The following CD247 variants were observed in gnomAD, a reference collection of about 807,000 sequenced individuals.
The protein encoded by CD247 is CD247 molecule.
A neutral mutation model predicts 30.0 loss-of-function variants in CD247; 13 were observed. The ratio of observed to expected loss-of-function variants is 0.43; its 90% CI spans 0.28 to 0.69. CD247 has a LOEUF of 0.69. Ranked by LOEUF, CD247 falls within the 30% of genes least tolerant of loss-of-function variation. CD247 has a pLI of 0.16. For synonymous variants in CD247, 72 were observed against 80.0 expected (o/e 0.90, Z 0.53); for missense variants, 193 against 212.6 (o/e 0.91, Z 0.57).
At chr1:167,506,892 A>ATTTTTTTTTTTT (rs10587631) in intron 1 of CD247, among the ~76,000 whole-genome samples, 1 of 97,984 alleles carries the variant, frequency 1.0e-5, no homozygotes, top group Non-Finnish European at 1.9e-5. Context: ...GTTCCCTCTG[A>ATTTTTTTTTTTT]TTTTTTTTTT....
intron 1 of CD247, among the ~76,000 whole-genome samples, chr1:167,496,481 A>T (rs914931150): frequency 6.6e-6 from 1 of 152,228 alleles, no homozygotes; most frequent in Non-Finnish European, 1.5e-5. Context: ...GCTTAAAAGC[A>T]GCAGCTTGTC....
At chr1:167,438,415 G>A (rs536186628) in intron 4 of CD247, among the ~76,000 whole-genome samples, 155 bp downstream of exon 4, 3 of 152,308 alleles carry the variant, frequency 2.0e-5, no homozygotes, top group East Asian at 3.9e-4. Context: ...AAGAGGGTGC[G>A]GCAGCAAGTG....
chr1:167,489,165 T>G (rs1173336023), intron 1 of CD247, among the ~76,000 whole-genome samples: 1 of 152,114 alleles, frequency 6.6e-6, no homozygotes, highest in Non-Finnish European at 1.5e-5. Flanking sequence ...ATGAAAGAGA[T>G]AAAGGAGAGT....
At chr1:167,478,191 C>T (rs557842714) in intron 1 of CD247, among the ~76,000 whole-genome samples, 38 of 152,266 alleles carry the variant, frequency 2.5e-4, no homozygotes, top group African/African-American at 8.9e-4. Context: ...CAGTGCAGCT[C>T]CGGCTACACT....
chr1:167,472,092 CGAA>C (rs1211481476), intron 1 of CD247, among the ~76,000 whole-genome samples: 1 of 152,050 alleles, frequency 6.6e-6, no homozygotes, highest in Non-Finnish European at 1.5e-5. Flanking sequence ...CCTCAGCCTC[CGAA>C]AGTGCTAGGA....
At chr1:167,509,377 A>C (rs796515591) in intron 1 of CD247, among the ~76,000 whole-genome samples, 100 of 151,760 alleles carry the variant, frequency 6.6e-4, no homozygotes, top group African/African-American at 2.3e-3. Context: ...CTCAAAAAAA[A>C]AAAAAAAAAA....
rs757693512 is a variant in CD247, at chr1:167,439,407, C to T, written c.163-7G>A. On this transcript the variant is annotated splice_polypyrimidine_tract_variant and splice_region_variant and intron_variant, in intron 2 of 7. Coordinates refer to ENST00000362089, the MANE Select transcript of CD247 (RefSeq NM_198053.3). ...CGTCTGCGCTCCTGCTGAACTGCAACACAGAAAGCAAAGCGCGTTACTGCT... is the reference window on the plus strand; with the variant it reads ...CGTCTGCGCTCCTGCTGAACTGCAATACAGAAAGCAAAGCGCGTTACTGCT... The T allele has an allele frequency of 6.2e-7, 1 of 1,614,014 alleles. No homozygotes were observed. The highest frequency in any genetic ancestry group is 1.1e-5 in the South Asian group (1 of 91,084).
chr1:167,451,286 T>C (rs1053572571), intron 1 of CD247, among the ~76,000 whole-genome samples: 3 of 152,234 alleles, frequency 2.0e-5, no homozygotes, highest in African/African-American at 7.2e-5. Flanking sequence ...GGACACATTA[T>C]GTTTTTATTT....
intron 1 of CD247, among the ~76,000 whole-genome samples, chr1:167,462,820 T>G (rs1030706524): frequency 1.3e-5 from 2 of 152,236 alleles, no homozygotes; most frequent in African/African-American, 4.8e-5. Context: ...TGTGTCATCC[T>G]GTCTTCAGAC....
chr1:167,484,384 C>T (rs762686709), intron 1 of CD247, among the ~76,000 whole-genome samples: 1 of 152,216 alleles, frequency 6.6e-6, no homozygotes, highest in Non-Finnish European at 1.5e-5. Context: ...CCCTGAAGTC[C>T]CCTCTGTACA....
intron 1 of CD247, chr1:167,457,647 C>T (rs1652764233): frequency 6.6e-6 from 1 of 152,332 alleles, no homozygotes. Flanking sequence ...TGTCCTTTCC[C>T]TTCCTCTCCA....
chr1:167,489,916 TG>T (rs1654371756), intron 1 of CD247, among the ~76,000 whole-genome samples: 1 of 152,206 alleles, frequency 6.6e-6, no homozygotes, highest in Non-Finnish European at 1.5e-5. Context: ...GCCTCTGACC[TG>T]TGCCCGCGCC....
chr1:167,496,845 C>T (rs1047662687), intron 1 of CD247, among the ~76,000 whole-genome samples: 3 of 152,150 alleles, frequency 2.0e-5, no homozygotes, highest in African/African-American at 4.8e-5. Context: ...TGTACCACAT[C>T]ACCCAGGAGA....
chr1:167,442,968 C>G lies in CD247; in HGVS notation c.59-2201G>C, dbSNP rs368057012. ...TGCCACCCTGTCCCTCTGCTCTTGTCTTTTCCCCCCATTCTTCCTTGAACA... is the reference window on the plus strand; with the variant it reads ...TGCCACCCTGTCCCTCTGCTCTTGTGTTTTCCCCCCATTCTTCCTTGAACA... On this transcript the variant is annotated intron_variant, in intron 1 of 7. Transcript: ENST00000362089. Among the ~76,000 whole-genome samples, 7 of 152,166 alleles carry G rather than the reference C, an allele frequency of 4.6e-5. No individual in the cohort carries two copies. The East Asian group carries it at 1.3e-3, about 29-fold the overall frequency.
intron 1 of CD247, among the ~76,000 whole-genome samples, chr1:167,489,230 A>G (rs1654339496): frequency 6.6e-6 from 1 of 152,320 alleles, no homozygotes; most frequent in African/African-American, 2.4e-5. Context: ...ATAGGTTCTT[A>G]TATGATAATT....
At chr1:167,491,539 C>G (rs1236979162) in intron 1 of CD247, among the ~76,000 whole-genome samples, 7 of 150,720 alleles carry the variant, frequency 4.6e-5, no homozygotes, top group African/African-American at 1.5e-4. Flanking sequence ...TGCACTCCAG[C>G]CTGGGCAACA....
chr1:167,443,841 G>C (rs1435808468), intron 1 of CD247, among the ~76,000 whole-genome samples: 1 of 152,172 alleles, frequency 6.6e-6, no homozygotes, highest in Non-Finnish European at 1.5e-5. Context: ...TCCCTGTGTA[G>C]GACCCTCCTC....
chr1:167,506,428 A>G (rs950476390), intron 1 of CD247, among the ~76,000 whole-genome samples: 5 of 149,960 alleles, frequency 3.3e-5, no homozygotes, highest in African/African-American at 1.2e-4. Flanking sequence ...GCTCACTGCA[A>G]CCTCCGCCTC....
At chr1:167,450,591 C>T (rs751132761) in intron 1 of CD247, among the ~76,000 whole-genome samples, 3 of 152,198 alleles carry the variant, frequency 2.0e-5, no homozygotes, top group South Asian at 2.1e-4. Flanking sequence ...ATAGGCAATT[C>T]GCAGAGACAG....
Sources: gnomAD v4.1 joint callset for allele counts (sites outside exome capture counted in the v4.1 genomes callset) on GRCh38, gnomAD v4.1.1 for gene constraint, MANE v1.5 for transcripts, NCBI Gene and HGNC (gene_info 2026-07-23, HGNC 2026-07-21) for gene names.